RPS6KC1: variants seen among roughly 807,000 people sequenced by gnomAD.
RPS6KC1 encodes the protein inactive ribosomal protein S6 kinase delta-1.
RPS6KC1 carries 54 observed loss-of-function variants against 103.8 expected under a neutral mutation model. That is an observed-to-expected ratio of 0.52 (90% confidence interval 0.42 to 0.65). RPS6KC1 has a LOEUF of 0.65. Ranked by LOEUF, RPS6KC1 falls within the 30% of genes least tolerant of loss-of-function variation. The probability of loss-of-function intolerance (pLI) is 0.00; values close to 1 mark genes in which losing one functional copy is unlikely to be tolerated. For synonymous variants in RPS6KC1, 439 were observed against 438.7 expected (o/e 1.00, Z -0.01); for missense variants, 1,151 against 1,253.8 (o/e 0.92, Z 1.24).
At chr1:213,403,218 T>C in the RPS6KC1 span, among the ~76,000 whole-genome samples, 2 of 152,186 alleles carry the variant, frequency 1.3e-5, no homozygotes, top group Admixed American at 6.5e-5. Context: ...CTCCATCCAC[T>C]TGCCACGCTT....
the RPS6KC1 span, among the ~76,000 whole-genome samples, chr1:213,633,779 C>T: frequency 6.8e-6 from 1 of 147,428 alleles, no homozygotes; most frequent in African/African-American, 2.5e-5. Context: ...CAAGACCCAT[C>T]AGTGTGCTGT....
At chr1:213,720,310 C>T in the RPS6KC1 span, among the ~76,000 whole-genome samples, 1 of 152,200 alleles carries the variant, frequency 6.6e-6, no homozygotes. Flanking sequence ...AGAATTGACG[C>T]ACTCAACAGA....
the RPS6KC1 span, among the ~76,000 whole-genome samples, chr1:213,578,540 G>C: frequency 6.6e-6 from 1 of 152,230 alleles, no homozygotes; most frequent in Non-Finnish European, 1.5e-5. Context: ...AAAAGCCATA[G>C]GGGCAGAGCT....
the RPS6KC1 span, among the ~76,000 whole-genome samples, chr1:213,715,501 G>A: frequency 4.6e-5 from 7 of 152,208 alleles, no homozygotes; most frequent in Admixed American, 2.0e-4. Flanking sequence ...CTTGCATTTG[G>A]TTCAGGTCTT....
the RPS6KC1 span, among the ~76,000 whole-genome samples, chr1:213,590,841 T>C: frequency 6.6e-6 from 1 of 152,302 alleles, no homozygotes; most frequent in South Asian, 2.1e-4. Flanking sequence ...CCACACAGTC[T>C]ACTCCTTCTG....
chr1:213,208,656 T>C (rs2093421571), intron 8 of RPS6KC1, among the ~76,000 whole-genome samples: 1 of 152,118 alleles, frequency 6.6e-6, no homozygotes, highest in Non-Finnish European at 1.5e-5. Flanking sequence ...ACCAGCATCA[T>C]TGTGGGAGCC....
At chr1:213,411,425 G>A in the RPS6KC1 span, among the ~76,000 whole-genome samples, 1 of 152,220 alleles carries the variant, frequency 6.6e-6, no homozygotes. Flanking sequence ...GTTGCAGAGA[G>A]AACATTAGAA....
At chr1:213,765,602 T>C in the RPS6KC1 span, among the ~76,000 whole-genome samples, 1 of 152,128 alleles carries the variant, frequency 6.6e-6, no homozygotes, top group Non-Finnish European at 1.5e-5. Context: ...TAATATTTGT[T>C]GAACCGCAAA....
At chr1:213,578,952 T>C in the RPS6KC1 span, among the ~76,000 whole-genome samples, 5 of 152,046 alleles carry the variant, frequency 3.3e-5, no homozygotes. Flanking sequence ...AGGGGTGGAA[T>C]GATATGATTT....
intron 8 of RPS6KC1, among the ~76,000 whole-genome samples, chr1:213,212,999 T>C (rs539533889): frequency 3.0e-4 from 45 of 152,322 alleles, no homozygotes; most frequent in African/African-American, 1.1e-3. Flanking sequence ...AAATATTTTC[T>C]CTCTGGCAGT....
At chr1:213,712,762 G>A in the RPS6KC1 span, among the ~76,000 whole-genome samples, 1 of 152,172 alleles carries the variant, frequency 6.6e-6, no homozygotes, top group Non-Finnish European at 1.5e-5. Flanking sequence ...CTGGGCTTGG[G>A]GAGGGAGTTC....
intron 14 of RPS6KC1, among the ~76,000 whole-genome samples, chr1:213,263,795 A>G (rs1009415628): frequency 2.0e-5 from 3 of 152,190 alleles, no homozygotes; most frequent in Non-Finnish European, 2.9e-5. Flanking sequence ...AAATTGATAA[A>G]GGCTGTCAAA....
At chr1:213,445,076 G>A in the RPS6KC1 span, among the ~76,000 whole-genome samples, 1,608 of 152,214 alleles carry the variant, frequency 0.011, 30 homozygotes, top group African/African-American at 0.037. Flanking sequence ...ATGTTTGCCC[G>A]TTCTGGAGAA....
At chr1:213,598,804 C>T in the RPS6KC1 span, among the ~76,000 whole-genome samples, 1 of 151,986 alleles carries the variant, frequency 6.6e-6, no homozygotes, top group Non-Finnish European at 1.5e-5. Context: ...GCCTGTAATC[C>T]CAACTACTCT....
At position 213,061,653 on chromosome 1, in the gene RPS6KC1, A is replaced by G. The variant is rs550416817; in HGVS notation, c.106-9353A>G. Among the ~76,000 whole-genome samples the G allele has an allele frequency of 6.6e-5, 10 of 151,648 alleles. No homozygotes were observed. The South Asian group carries it at 1.0e-3, about 16-fold the overall frequency. On this transcript the variant is annotated intron_variant, in intron 1 of 14. Transcript: ENST00000366960. ...TATGTCAGTATGTTAACATGAAAGTATGGATTTTAAATATCTGAAAATCAG... is the reference window on the plus strand; with the variant it reads ...TATGTCAGTATGTTAACATGAAAGTGTGGATTTTAAATATCTGAAAATCAG...
chr1:213,822,965 C>T, the RPS6KC1 span, among the ~76,000 whole-genome samples: 347 of 152,218 alleles, frequency 2.3e-3, 1 homozygote, highest in African/African-American at 7.7e-3. Context: ...TCATTCTGTC[C>T]AGCCCAAATA....
At chr1:213,547,736 C>T in the RPS6KC1 span, among the ~76,000 whole-genome samples, 1 of 152,164 alleles carries the variant, frequency 6.6e-6, no homozygotes, top group Non-Finnish European at 1.5e-5. Flanking sequence ...CCTTTTTCTT[C>T]GTCCTTCCTC....
the RPS6KC1 span, among the ~76,000 whole-genome samples, chr1:213,709,762 CA>C: frequency 1.3e-5 from 2 of 152,268 alleles, no homozygotes; most frequent in Admixed American, 6.5e-5. Context: ...ATTTCTGCCT[CA>C]AGTTCCTTAT....
chr1:213,293,769 GGAAAATATCAAATTTTAA>G, the RPS6KC1 span, among the ~76,000 whole-genome samples: 10 of 151,700 alleles, frequency 6.6e-5, no homozygotes, highest in South Asian at 4.1e-4. Flanking sequence ...GTATCTTCTT[GGAAAATATCAAATTTTAA>G]AGATCTTGGA....
Sources: gnomAD v4.1 joint callset for allele counts (sites outside exome capture counted in the v4.1 genomes callset) on GRCh38, gnomAD v4.1.1 for gene constraint, MANE v1.5 for transcripts, NCBI Gene and HGNC (gene_info 2026-07-23, HGNC 2026-07-21) for gene names.